The following SLC16A1 variants were observed in gnomAD, a reference collection of about 807,000 sequenced individuals.
SLC16A1 encodes the protein solute carrier family 16 member 1, also known as monocarboxylate transporter 1.
In SLC16A1, 11 loss-of-function variants were observed where a neutral mutation model predicts 32.2. That is an observed-to-expected ratio of 0.34 (90% CI 0.21 to 0.56). SLC16A1 has a LOEUF of 0.56. Among genes scored for constraint, SLC16A1 ranks in the 20% least tolerant of loss-of-function variants. The pLI is 0.87. For synonymous variants in SLC16A1, 231 were observed against 226.8 expected (o/e 1.02, Z -0.17); for missense variants, 435 against 615.0 (o/e 0.71, Z 3.10).
At chr1:112,953,315 C>T (rs1051856168) in intron 1 of SLC16A1, among the ~76,000 whole-genome samples, 1 of 152,108 alleles carries the variant, frequency 6.6e-6, no homozygotes, top group Non-Finnish European at 1.5e-5. Context: ...AAGCATGCCA[C>T]CATGCCTGGC....
In SLC16A1 at chr1:112,955,975, C is replaced by T. The variant is rs1048774162; in HGVS notation, c.-45+60G>A. On this transcript the variant is annotated intron_variant, in intron 1 of 4. Transcript: ENST00000369626. ...CCCCGGAGGTCCCCTCCGACCCCAC[C>T]AGGGCAGCGAGGGCACCGTGGGGTC... is the stretch of plus-strand genomic sequence containing the variant. 5.2e-5 allele frequency: 8 copies of T among 152,394 alleles called. No individual in the cohort carries two copies. The South Asian group carries it at 1.0e-3, about 20-fold the overall frequency. The allele number at this position is 152,394 out of a possible 1,614,324, so 9.4% of individuals were successfully genotyped here.
At chr1:112,945,288 C>G (rs1475907607) in intron 1 of SLC16A1, among the ~76,000 whole-genome samples, 1 of 152,000 alleles carries the variant, frequency 6.6e-6, no homozygotes, top group Non-Finnish European at 1.5e-5. Flanking sequence ...AGCCACTGTG[C>G]CTGGCCGGAA....
chr1:112,920,383 G>A (rs374467450), intron 3 of SLC16A1, among the ~76,000 whole-genome samples: 4 of 151,844 alleles, frequency 2.6e-5, no homozygotes, highest in East Asian at 1.9e-4. Context: ...AGCGGCAGGC[G>A]GACCATGAGG....
intron 1 of SLC16A1, among the ~76,000 whole-genome samples, chr1:112,933,672 G>T (rs1321128369): frequency 6.6e-6 from 1 of 151,956 alleles, no homozygotes. Context: ...GAATGTCGTT[G>T]GTTATTTAAA....
chr1:112,923,513 C>T, intron 2 of SLC16A1: 3 of 995,322 alleles, frequency 3.0e-6, no homozygotes, highest in Middle Eastern at 2.5e-4. Context: ...CCAAGATAGA[C>T]ACGGCCTTCG....
At chr1:112,948,937 T>TC (rs1292383958) in intron 1 of SLC16A1, among the ~76,000 whole-genome samples, 4 of 152,240 alleles carry the variant, frequency 2.6e-5, no homozygotes, top group Non-Finnish European at 5.9e-5. Flanking sequence ...TTCACGCCTT[T>TC]CTCCCGCCTC....
rs1490245081 is a variant in SLC16A1, at chr1:112,931,628, G to C, written c.-44-2276C>G. Among the ~76,000 whole-genome samples the C allele has an allele frequency of 7.1e-5, 8 of 113,370 alleles. No individual in the cohort carries two copies. The East Asian group carries it at 2.2e-3, about 31-fold the overall frequency. The allele number at this position is 113,370 out of a possible 152,430, so 74.4% of individuals were successfully genotyped here. A position where few individuals can be genotyped will look rare whatever the true frequency, so the allele number is the denominator to read the frequency against. ...CCACTGCACTCCAGTCTGGGCGACAGAGTAATACTCTGTCTCAAAAAAAAA... is the reference window on the plus strand; with the variant it reads ...CCACTGCACTCCAGTCTGGGCGACACAGTAATACTCTGTCTCAAAAAAAAA... On this transcript the variant is annotated intron_variant, in intron 1 of 4. Coordinates refer to ENST00000369626, the MANE Select transcript of SLC16A1 (RefSeq NM_003051.4).
At chr1:112,927,659 G>A (rs1165998590) in intron 2 of SLC16A1, among the ~76,000 whole-genome samples, 1 of 152,088 alleles carries the variant, frequency 6.6e-6, no homozygotes, top group African/African-American at 2.4e-5. Flanking sequence ...AAAGGGGTAC[G>A]GTTTATAGGC....
intron 1 of SLC16A1, among the ~76,000 whole-genome samples, chr1:112,952,207 T>A (rs1487970151): frequency 1.3e-5 from 2 of 152,196 alleles, no homozygotes; most frequent in African/African-American, 4.8e-5. Context: ...GACATATTCA[T>A]CAACATCCAG....
chr1:112,944,530 G>A (rs932368281), intron 1 of SLC16A1, among the ~76,000 whole-genome samples: 1 of 152,130 alleles, frequency 6.6e-6, no homozygotes, highest in Non-Finnish European at 1.5e-5. Flanking sequence ...AAAGATATGT[G>A]TGAATAGAAA....
chr1:112,954,951 G>C (rs1042980791), intron 1 of SLC16A1, among the ~76,000 whole-genome samples: 2 of 151,872 alleles, frequency 1.3e-5, no homozygotes, highest in East Asian at 1.9e-4. Flanking sequence ...CACCTCACTG[G>C]GCTGGTGGTT....
chr1:112,942,692 T>C (rs1649550282), intron 1 of SLC16A1, among the ~76,000 whole-genome samples: 1 of 152,236 alleles, frequency 6.6e-6, no homozygotes, highest in African/African-American at 2.4e-5. Flanking sequence ...ACAATATGCC[T>C]GAGTAAGAAT....
intron 1 of SLC16A1, among the ~76,000 whole-genome samples, chr1:112,933,937 A>G (rs1400962806): frequency 1.3e-5 from 2 of 152,228 alleles, no homozygotes; most frequent in African/African-American, 2.4e-5. Context: ...AAAAACTGAA[A>G]ACAACCCAAT....
At chr1:112,929,500 G>A (rs1649052412) in intron 1 of SLC16A1, 148 bp from the exon 2 acceptor site, 1 of 628,868 alleles carries the variant, frequency 1.6e-6, no homozygotes, top group Admixed American at 2.6e-5. Flanking sequence ...GATCATTTGA[G>A]GCCAGGAGTT....
At chr1:112,943,716 A>G (rs1333162700) in intron 1 of SLC16A1, among the ~76,000 whole-genome samples, 2 of 140,110 alleles carry the variant, frequency 1.4e-5, no homozygotes, top group African/African-American at 5.3e-5. Flanking sequence ...TGAACTCAGG[A>G]GGCGGAGGTT....
At chr1:112,933,380 CG>C (rs1159216135) in intron 1 of SLC16A1, among the ~76,000 whole-genome samples, 1 of 148,122 alleles carries the variant, frequency 6.8e-6, no homozygotes, top group African/African-American at 2.5e-5. Flanking sequence ...CGCTTGAACC[CG>C]GGAGGCGGAG....
chr1:112,936,697 C>T (rs1337034352), intron 1 of SLC16A1, among the ~76,000 whole-genome samples: 2 of 152,018 alleles, frequency 1.3e-5, no homozygotes, highest in African/African-American at 2.4e-5. Context: ...ATAAGAGATA[C>T]ACCTCTCTTT....
rs1307868958 is a variant in SLC16A1 at position 112,912,421 on chromosome 1, ACT to A, written c.*1468_*1469del. ...CACAAGGTTTTGTATCTATACTTTT[ACT>A]CTGTCAATTACAGTGGTATTTTAAA... On this transcript the variant is annotated 3_prime_UTR_variant, in exon 5 of 5. Transcript: ENST00000369626. 2.6e-5 allele frequency: 4 copies of A among 152,188 alleles called. No individual in the cohort carries two copies. Among genetic ancestry groups the A allele is most frequent in the African/African-American group, 7.2e-5 (3 of 41,444 alleles). 9.4% of individuals were successfully genotyped at this position (152,188 alleles called of 1,614,324 possible).
chr1:112,945,698 A>T (rs1198096575), intron 1 of SLC16A1, among the ~76,000 whole-genome samples: 6 of 148,436 alleles, frequency 4.0e-5, no homozygotes, highest in African/African-American at 1.5e-4. Context: ...AAAAAAAAAA[A>T]TTACCTACTG....
Sources: allele counts gnomAD v4.1 joint callset (sites outside exome capture counted in the v4.1 genomes callset), GRCh38; gene constraint gnomAD v4.1.1; transcripts MANE v1.5; gene names NCBI Gene and HGNC (gene_info 2026-07-23, HGNC 2026-07-21).